The following CRB1 variants were observed in gnomAD, a reference collection of about 807,000 sequenced individuals.
The protein encoded by CRB1 is crumbs cell polarity complex component 1.
A neutral mutation model predicts 120.0 loss-of-function variants in CRB1; 83 were observed. The ratio of observed to expected loss-of-function variants is 0.69; its 90% confidence interval spans 0.58 to 0.83. The LOEUF is 0.83. Ranked by LOEUF, CRB1 falls within the 40% of genes least tolerant of loss-of-function variation. The pLI is 0.00. For missense variants in CRB1, 1,699 were observed against 1,687.6 expected (o/e 1.01, Z -0.12); for synonymous variants, 625 against 612.5 (o/e 1.02, Z -0.30).
At chr1:197,304,429 G>T in intron 1 of CRB1, 1 of 970,940 alleles carries the variant, frequency 1.0e-6, no homozygotes, top group African/African-American at 1.8e-5. Context: ...TGTATGTCCT[G>T]GTTCAGGTGT....
the CRB1 span, among the ~76,000 whole-genome samples, chr1:197,210,615 G>A: frequency 1.3e-5 from 2 of 151,830 alleles, no homozygotes; most frequent in African/African-American, 4.8e-5. Context: ...CTATCTAAGA[G>A]CCTATTGCTT....
chr1:197,277,109 T>TA (rs1553241695), intron 1 of CRB1, among the ~76,000 whole-genome samples: 3 of 151,928 alleles, frequency 2.0e-5, no homozygotes, highest in African/African-American at 2.4e-5. Context: ...TTTATTTTTT[T>TA]AAAAAAAGTT....
intron 5 of CRB1, among the ~76,000 whole-genome samples, chr1:197,362,363 T>A (rs1179337799): frequency 1.3e-5 from 2 of 152,164 alleles, no homozygotes; most frequent in African/African-American, 4.8e-5. Flanking sequence ...TTTCTATATA[T>A]GTCAATTAAA....
chr1:197,432,516 T>A (rs984314420), intron 8 of CRB1, among the ~76,000 whole-genome samples: 3 of 152,026 alleles, frequency 2.0e-5, no homozygotes, highest in African/African-American at 7.2e-5. Context: ...ATTATCTCAC[T>A]TTTCAGGATA....
At chr1:197,398,641 G>A (rs145507741) in intron 5 of CRB1, among the ~76,000 whole-genome samples, 147 of 152,240 alleles carry the variant, frequency 9.7e-4, no homozygotes, top group South Asian at 5.2e-3. Context: ...TCTGAATAAT[G>A]GTGGAGTCAT....
At chr1:197,472,805 A>C (rs559122542) in intron 11 of CRB1, among the ~76,000 whole-genome samples, 201 of 152,294 alleles carry the variant, frequency 1.3e-3, no homozygotes, top group South Asian at 2.5e-3. Context: ...GTTCACAAGG[A>C]TGGCCCTGAG....
the CRB1 span, among the ~76,000 whole-genome samples, chr1:197,235,728 T>C: frequency 1.3e-5 from 2 of 152,150 alleles, no homozygotes; most frequent in African/African-American, 4.8e-5. Flanking sequence ...AGTTTTAGAG[T>C]GGTTTGTTAA....
chr1:197,325,533 C>T (rs1210382787), intron 1 of CRB1, among the ~76,000 whole-genome samples: 1 of 152,014 alleles, frequency 6.6e-6, no homozygotes, highest in Non-Finnish European at 1.5e-5. Context: ...ATATAGATAA[C>T]TATAGAATTA....
At chr1:197,410,176 T>C (rs1571497733) in intron 5 of CRB1, among the ~76,000 whole-genome samples, 1 of 152,314 alleles carries the variant, frequency 6.6e-6, no homozygotes, top group South Asian at 2.1e-4. Context: ...TTATCCCTTA[T>C]CCTTTTCTTT....
chr1:197,387,117 C>CT (rs1558099805), intron 5 of CRB1, among the ~76,000 whole-genome samples: 1 of 151,988 alleles, frequency 6.6e-6, no homozygotes, highest in South Asian at 2.1e-4. Flanking sequence ...TAATCTTTTT[C>CT]TTTTTTTGAG....
chr1:197,313,185 A>G (rs561208792), intron 1 of CRB1, among the ~76,000 whole-genome samples: 144 of 152,274 alleles, frequency 9.5e-4, no homozygotes, highest in African/African-American at 3.3e-3. Context: ...AAACCATCAG[A>G]TTTTGTGAGC....
chr1:197,447,886 C>T (rs565442136), intron 11 of CRB1, among the ~76,000 whole-genome samples: 2 of 151,102 alleles, frequency 1.3e-5, no homozygotes, highest in African/African-American at 4.9e-5. Flanking sequence ...GTCTGTCTGC[C>T]AAACCTTCTC....
At chr1:197,289,033 C>T (rs1656007201) in intron 1 of CRB1, among the ~76,000 whole-genome samples, 1 of 150,808 alleles carries the variant, frequency 6.6e-6, no homozygotes, top group Non-Finnish European at 1.5e-5. Flanking sequence ...CCATGTAGAG[C>T]CTAATGTTTG....
chr1:197,460,001 C>CTTTTTTTTTTTTTTTTTTTTTTTTTT (rs10679172), intron 11 of CRB1, among the ~76,000 whole-genome samples: 24 of 75,640 alleles, frequency 3.2e-4, no homozygotes, highest in Middle Eastern at 0.013. Context: ...AAGCCCCCCT[C>CTTTTTTTTTTTTTTTTTTTTTTTTTT]TTTTTTTTTT....
In CRB1 at chr1:197,410,500, A is replaced by G. The variant is rs1663650723; in HGVS notation, c.1172-10500A>G. On this transcript the variant is annotated intron_variant, in intron 5 of 11. Transcript: ENST00000367400. ...AAAAATAGAGTTAGTGAATTATGGC[A>G]AGACAAGCAACATTTGATAAGCACC... 2.0e-5 allele frequency among the ~76,000 whole-genome samples: 3 copies of G among 152,232 alleles called. No homozygotes were observed. In the South Asian group the frequency reaches 6.2e-4, roughly 31 times the overall value.
intron 5 of CRB1, among the ~76,000 whole-genome samples, chr1:197,371,433 A>T (rs528289635): frequency 6.6e-6 from 1 of 152,066 alleles, no homozygotes; most frequent in Non-Finnish European, 1.5e-5. Context: ...AGCCTTTTTA[A>T]ATCTTCTATT....
intron 1 of CRB1, among the ~76,000 whole-genome samples, chr1:197,308,177 G>A (rs1333909633): frequency 6.6e-6 from 1 of 152,196 alleles, no homozygotes; most frequent in African/African-American, 2.4e-5. Context: ...GCAAATGAAT[G>A]TGGAAATAGA....
intron 11 of CRB1, among the ~76,000 whole-genome samples, chr1:197,464,566 G>C (rs1488468989): frequency 6.6e-6 from 1 of 152,002 alleles, no homozygotes; most frequent in Non-Finnish European, 1.5e-5. Flanking sequence ...AAGAGGCTTA[G>C]TTTATAGTTT....
upstream of CRB1, among the ~76,000 whole-genome samples, chr1:197,264,132 C>G (rs1654579474): frequency 6.6e-6 from 1 of 152,138 alleles, no homozygotes; most frequent in Admixed American, 6.5e-5. Context: ...CTCCAACTCC[C>G]TCAACCTTCC....
Sources: gnomAD v4.1 joint callset for allele counts (sites outside exome capture counted in the v4.1 genomes callset) on GRCh38, gnomAD v4.1.1 for gene constraint, MANE v1.5 for transcripts, NCBI Gene and HGNC (gene_info 2026-07-23, HGNC 2026-07-21) for gene names.